GRID2: variants seen among roughly 807,000 people sequenced by gnomAD.
GRID2 encodes glutamate ionotropic receptor delta type subunit 2, also known as glutamate receptor ionotropic, delta-2.
A neutral mutation model predicts 114.8 loss-of-function variants in GRID2; 33 were observed. That is an observed-to-expected ratio of 0.29 (90% confidence interval 0.22 to 0.38). GRID2 has a LOEUF of 0.38. GRID2 is among the 10% of genes least tolerant of loss of function. The probability of loss-of-function intolerance (pLI) is 1.00; values close to 1 mark genes in which losing one functional copy is unlikely to be tolerated. For synonymous variants in GRID2, 505 were observed against 449.9 expected (o/e 1.12, Z -1.55); for missense variants, 1,184 against 1,257.7 (o/e 0.94, Z 0.89).
intron 2 of GRID2, among the ~76,000 whole-genome samples, chr4:92,841,407 A>G (rs969763560): frequency 6.6e-6 from 1 of 152,124 alleles, no homozygotes; most frequent in Non-Finnish European, 1.5e-5. Context: ...AGTCGGGGTT[A>G]CAAGCTTATT....
intron 4 of GRID2, among the ~76,000 whole-genome samples, chr4:93,113,112 A>G (rs563998981): frequency 1.1e-4 from 16 of 152,284 alleles, no homozygotes; most frequent in East Asian, 5.8e-4. Context: ...TGAGAGTTCA[A>G]TTTGGATCCT....
intron 2 of GRID2, among the ~76,000 whole-genome samples, chr4:93,015,581 A>G (rs1722602845): frequency 6.6e-6 from 1 of 152,174 alleles, no homozygotes; most frequent in African/African-American, 2.4e-5. Flanking sequence ...AATCATGAAC[A>G]AGGACCTTCC....
intron 4 of GRID2, among the ~76,000 whole-genome samples, chr4:93,141,313 C>T (rs1391578094): frequency 6.6e-6 from 1 of 151,994 alleles, no homozygotes; most frequent in Non-Finnish European, 1.5e-5. Flanking sequence ...TTTATTTAAA[C>T]AAATTGCATA....
intron 2 of GRID2, among the ~76,000 whole-genome samples, chr4:93,035,102 C>T (rs1014924142): frequency 6.1e-4 from 81 of 132,470 alleles, no homozygotes; most frequent in African/African-American, 2.3e-3. Flanking sequence ...CTATCACTGT[C>T]TGCTTTTTTT....
chr4:92,969,350 T>A (rs1169822607), intron 2 of GRID2, among the ~76,000 whole-genome samples: 1 of 151,720 alleles, frequency 6.6e-6, no homozygotes, highest in Non-Finnish European at 1.5e-5. Context: ...CCTTATTAGA[T>A]GCTGAAAAAT....
At chr4:93,628,644 G>T (rs1161357353) in intron 14 of GRID2, among the ~76,000 whole-genome samples, 1 of 152,038 alleles carries the variant, frequency 6.6e-6, no homozygotes, top group Non-Finnish European at 1.5e-5. Flanking sequence ...CAGCAGAAAT[G>T]TTTAATGCAT....
intron 1 of GRID2, among the ~76,000 whole-genome samples, chr4:92,553,354 G>A (rs1726691045): frequency 6.6e-6 from 1 of 152,122 alleles, no homozygotes; most frequent in Non-Finnish European, 1.5e-5. Context: ...TATAAAAGCT[G>A]AAGAATGATG....
At chr4:93,456,053 G>A in intron 11 of GRID2, 79 bp downstream of exon 11, 4 of 825,294 alleles carry the variant, frequency 4.8e-6, no homozygotes, top group Non-Finnish European at 8.1e-6. Flanking sequence ...AGTTAATAAG[G>A]TTCTGTATCT....
chr4:93,402,126 C>G (rs1765958225), intron 9 of GRID2, among the ~76,000 whole-genome samples: 1 of 152,012 alleles, frequency 6.6e-6, no homozygotes, highest in Non-Finnish European at 1.5e-5. Flanking sequence ...ATTCAAAGTA[C>G]TTCACACAAT....
intron 8 of GRID2, among the ~76,000 whole-genome samples, chr4:93,310,552 A>AAATAC (rs1469132771): frequency 3.3e-5 from 5 of 152,132 alleles, no homozygotes; most frequent in Non-Finnish European, 7.4e-5. Flanking sequence ...AAATAAAATA[A>AAATAC]AATTGAGAAC....
chr4:93,528,813 A>G lies in GRID2; in HGVS notation c.2193+13402A>G, dbSNP rs180749326. ...AACTCATGTTATTCGGACACATCCA[A>G]TTGAGAATAATTTGTTTTCCTAAAC... On this transcript the variant is annotated intron_variant, in intron 13 of 15. Coordinates refer to ENST00000282020, the MANE Select transcript of GRID2 (RefSeq NM_001510.4). Among the ~76,000 whole-genome samples the G allele has an allele frequency of 4.6e-5, 7 of 152,304 alleles. No homozygotes were observed. The East Asian group carries it at 5.8e-4, about 13-fold the overall frequency.
At chr4:93,387,478 T>C (rs549119024) in intron 8 of GRID2, among the ~76,000 whole-genome samples, 1 of 152,294 alleles carries the variant, frequency 6.6e-6, no homozygotes, top group African/African-American at 2.4e-5. Flanking sequence ...TCTCAGCTGA[T>C]AGCTGGTAAC....
chr4:92,387,302 C>A (rs1730009506), intron 1 of GRID2, among the ~76,000 whole-genome samples: 1 of 151,842 alleles, frequency 6.6e-6, no homozygotes, highest in African/African-American at 2.4e-5. Flanking sequence ...TTCTTCCTTA[C>A]ATGACTGAAT....
At chr4:92,577,036 A>G (rs1273133100) in intron 1 of GRID2, among the ~76,000 whole-genome samples, 6 of 152,198 alleles carry the variant, frequency 3.9e-5, no homozygotes, top group Admixed American at 3.3e-4. Context: ...TTTAATTGCC[A>G]ACATAAATTC....
intron 2 of GRID2, among the ~76,000 whole-genome samples, chr4:92,983,109 G>C (rs1438256269): frequency 6.6e-6 from 1 of 152,074 alleles, no homozygotes; most frequent in Admixed American, 6.6e-5. Context: ...TCCTATCTGG[G>C]AGTGGATGGA....
At chr4:92,788,162 C>T (rs1172860133) in intron 2 of GRID2, among the ~76,000 whole-genome samples, 1 of 151,592 alleles carries the variant, frequency 6.6e-6, no homozygotes, top group African/African-American at 2.4e-5. Flanking sequence ...GGACATTTCT[C>T]TGGGGTATTC....
chr4:93,531,683 T>C (rs1353431015), intron 13 of GRID2, among the ~76,000 whole-genome samples: 1 of 152,108 alleles, frequency 6.6e-6, no homozygotes, highest in Non-Finnish European at 1.5e-5. Flanking sequence ...CCAACATTGG[T>C]GTAAGCAATG....
intron 2 of GRID2, among the ~76,000 whole-genome samples, chr4:92,733,989 A>G (rs899369385): frequency 2.0e-5 from 3 of 152,088 alleles, no homozygotes; most frequent in Non-Finnish European, 4.4e-5. Flanking sequence ...GGGAAGATCT[A>G]TCCACCACAT....
intron 14 of GRID2, among the ~76,000 whole-genome samples, chr4:93,738,339 G>A (rs1167994598): frequency 6.6e-6 from 1 of 152,106 alleles, no homozygotes; most frequent in Non-Finnish European, 1.5e-5. Flanking sequence ...GACATGATCC[G>A]ATTTAGTTTT....
Sources: allele counts gnomAD v4.1 joint callset (sites outside exome capture counted in the v4.1 genomes callset), GRCh38; gene constraint gnomAD v4.1.1; transcripts MANE v1.5; gene names NCBI Gene and HGNC (gene_info 2026-07-23, HGNC 2026-07-21).